Variants in RUBCN observed in about 807,000 individuals in gnomAD.
The protein encoded by RUBCN is run domain Beclin-1-interacting and cysteine-rich domain-containing protein.
A neutral mutation model predicts 113.2 loss-of-function variants in RUBCN; 74 were observed. The observed-to-expected ratio is 0.65, with a 90% CI of 0.54 to 0.79. The LOEUF is 0.79. Ranked by LOEUF, RUBCN falls within the 30% of genes least tolerant of loss-of-function variation. The pLI, the probability that RUBCN is intolerant of heterozygous loss-of-function variation, is 0.00. For synonymous variants in RUBCN, 480 were observed against 490.0 expected (o/e 0.98, Z 0.27); for missense variants, 1,109 against 1,251.7 (o/e 0.89, Z 1.72).
chr3:197,744,385 A>G lies in RUBCN; in HGVS notation c.-116+4884T>C, dbSNP rs139405114. 1.5e-3 allele frequency among the ~76,000 whole-genome samples: 228 copies of G among 152,352 alleles called. 1 individual carries two copies. The highest frequency in any genetic ancestry group is 0.014 in the South Asian group (67 of 4,832). The stretch of plus-strand genomic sequence containing the variant: ...AATTTGATAGCCAATGTAATTCGCC[A>G]TATTAATACATTTTGCAAGAAAAAC... On this transcript the variant is annotated intron_variant, in intron 1 of 20. Transcript: ENST00000273582.
Position 197,696,986 on chromosome 3 carries a change from A to C in RUBCN, c.1325T>G (p.Val442Gly), listed in dbSNP as rs200532942. The part of the protein sequence containing the change: ...PLPYSGQSSE[V>G]STPSSLYMEY... ...CATGTACAGAGAGCTGGGTGTGCTG[A>C]CTTCACTGCTTTGACCAGAGTAGGG... The change falls in exon 8 of 20, where the codon GTC (valine) becomes GGC (glycine). Residue 442 changes from valine to glycine, a missense_variant. Around this residue, in one of 3 missense-constraint regions of RUBCN, gnomAD observed 736 missense variants for 779.6 expected, o/e 0.94. Transcript: ENST00000296343. The C allele has an allele frequency of 3.7e-4, 602 of 1,609,016 alleles. 1 individual carries two copies. Among genetic ancestry groups the C allele is most frequent in the Non-Finnish European group, 4.9e-4 (581 of 1,175,474 alleles).
chr3:197,713,157 C>T (rs1016061920), intron 2 of RUBCN, among the ~76,000 whole-genome samples: 10 of 152,168 alleles, frequency 6.6e-5, no homozygotes, highest in Non-Finnish European at 1.0e-4. Flanking sequence ...CTGTGCCTAG[C>T]CAGATATTAT....
intron 16 of RUBCN, among the ~76,000 whole-genome samples, chr3:197,680,299 C>G (rs933654408): frequency 7.6e-6 from 1 of 132,126 alleles, no homozygotes; most frequent in African/African-American, 2.9e-5. Context: ...TACGCTCTGA[C>G]AACTGGCTCC....
At position 197,736,712 on chromosome 3, in the gene RUBCN, G is replaced by A; in HGVS notation, c.8C>T (p.Pro3Leu). Residue 3 changes from proline (P) to leucine (L), a missense_variant, in exon 1 of 20, where the codon CCG (proline) becomes CTG (leucine). Coordinates refer to ENST00000296343, the MANE Select transcript of RUBCN (RefSeq NM_014687.4). The part of the protein sequence containing the change: MR[P>L]EGAGMELGGG... Reference sequence around the variant, plus strand: ...TCCGAGCTCCATTCCCGCGCCCTCCGGCCGCATCCGGGGCGGTGAGGCCGC... The same window carrying A: ...TCCGAGCTCCATTCCCGCGCCCTCCAGCCGCATCCGGGGCGGTGAGGCCGC... 2 of 1,528,858 alleles carry A rather than the reference G, an allele frequency of 1.3e-6. No homozygotes were observed. The highest frequency in any genetic ancestry group is 1.7e-6 in the Non-Finnish European group (2 of 1,144,844). The allele number at this position is 1,528,858 out of a possible 1,614,324, so 94.7% of individuals were successfully genotyped here.
intron 7 of RUBCN, among the ~76,000 whole-genome samples, chr3:197,697,945 T>A (rs1453415201): frequency 1.3e-5 from 2 of 152,194 alleles, no homozygotes; most frequent in Admixed American, 1.3e-4. Context: ...CTCAAAGACT[T>A]CTGGTAGCCC....
intron 16 of RUBCN, among the ~76,000 whole-genome samples, chr3:197,678,264 A>G (rs1012571121): frequency 8.6e-5 from 13 of 150,666 alleles, no homozygotes; most frequent in Non-Finnish European, 1.9e-4. Context: ...ACTCTGACTG[A>G]CAACTGGCTC....
At position 197,675,571 on chromosome 3, in the gene RUBCN, CGGGAGGG is replaced by C. The variant is rs1720289607; in HGVS notation, c.2647-63_2647-57del. On this transcript the variant is annotated intron_variant, in intron 18 of 19. Coordinates refer to ENST00000296343, the MANE Select transcript of RUBCN (RefSeq NM_014687.4). The surrounding 1 kb of genome is among the most constrained non-coding windows in gnomAD (Gnocchi z 4.4). ...AGGAGCGGCACATCAGGAACTGGCACGGGAGGGTGAACACCGAGGAGGGGAGTGGTCT... is the reference window on the plus strand; with the variant it reads ...AGGAGCGGCACATCAGGAACTGGCACTGAACACCGAGGAGGGGAGTGGTCT... The C allele has an allele frequency of 2.2e-6, 3 of 1,341,106 alleles. No individual in the cohort carries two copies. Among genetic ancestry groups the C allele is most frequent in the Admixed American group, 3.4e-5 (2 of 59,614 alleles). 83.1% of individuals were successfully genotyped at this position (1,341,106 alleles called of 1,614,324 possible).
At position 197,681,429 on chromosome 3, in the gene RUBCN, A is replaced by C; in HGVS notation, c.2192-62T>G. ...TTTCCCATCTACAAGCTGGGAAGGCAGCTCTGCTTTTCCCTTGAAAGGGCA... is the reference window on the plus strand; with the variant it reads ...TTTCCCATCTACAAGCTGGGAAGGCCGCTCTGCTTTTCCCTTGAAAGGGCA... On this transcript the variant is annotated intron_variant, in intron 15 of 19. Coordinates refer to ENST00000296343, the MANE Select transcript of RUBCN (RefSeq NM_014687.4). The surrounding 1 kb of genome is among the most constrained non-coding windows in gnomAD (Gnocchi z 5.5). 1 of 1,303,926 alleles carries C rather than the reference A, an allele frequency of 7.7e-7. No individual in the cohort carries two copies. Among genetic ancestry groups the C allele is most frequent in the Non-Finnish European group, 1.1e-6 (1 of 901,558 alleles). The allele number at this position is 1,303,926 out of a possible 1,614,324, so 80.8% of individuals were successfully genotyped here.
upstream of RUBCN, among the ~76,000 whole-genome samples, chr3:197,737,735 CAGG>C (rs1479869856): frequency 6.6e-6 from 1 of 152,026 alleles, no homozygotes; most frequent in Non-Finnish European, 1.5e-5. Flanking sequence ...ACAATGTGGA[CAGG>C]AGATGGGGCA....
rs191470662 is a variant in RUBCN at position 197,676,826 on chromosome 3, C to G, written c.2646+59G>C. On this transcript the variant is annotated intron_variant, in intron 18 of 19. Coordinates refer to ENST00000296343, the MANE Select transcript of RUBCN (RefSeq NM_014687.4). ...AGTGGCAAGAACCCCAGGTCCACCC[C>G]CCTCCCTGTATCCCTAAAAGCAAGG... 2,820 of 1,612,740 alleles carry G rather than the reference C, an allele frequency of 1.7e-3. 2 individuals carry two copies. The highest frequency in any genetic ancestry group is 3.2e-3 in the Admixed American group (193 of 60,006).
At chr3:197,691,581 C>G (rs913222412) in intron 11 of RUBCN, among the ~76,000 whole-genome samples, 1 of 152,148 alleles carries the variant, frequency 6.6e-6, no homozygotes, top group Non-Finnish European at 1.5e-5. Context: ...GATTTCTGTT[C>G]TGAAACGACT....
chr3:197,681,069 G>C lies in RUBCN; in HGVS notation c.2430+60C>G. ...GGGGAGGGGACGGGGGAGGGACGAGGGGAGGGGATGAGGGGAGGAGAAGGG... is the reference window on the plus strand; with the variant it reads ...GGGGAGGGGACGGGGGAGGGACGAGCGGAGGGGATGAGGGGAGGAGAAGGG... On this transcript the variant is annotated intron_variant, in intron 16 of 19. Transcript: ENST00000296343. The surrounding 1 kb of genome is among the most constrained non-coding windows in gnomAD (Gnocchi z 5.5). The C allele has an allele frequency of 9.9e-7, 1 of 1,013,470 alleles. No homozygotes were observed. The highest frequency in any genetic ancestry group is 1.8e-5 in the Admixed American group (1 of 57,090). 62.8% of individuals were successfully genotyped at this position (1,013,470 alleles called of 1,614,324 possible). A position where few individuals can be genotyped will look rare whatever the true frequency, so the allele number is the denominator to read the frequency against.
chr3:197,676,610 G>A (rs1720460568), intron 18 of RUBCN: 2 of 1,323,362 alleles, frequency 1.5e-6, no homozygotes, highest in Non-Finnish European at 9.7e-7. Context: ...ACCGTGCCTG[G>A]CCAACACTTC....
chr3:197,729,410 G>A (rs1262979288), intron 1 of RUBCN, among the ~76,000 whole-genome samples: 3 of 151,564 alleles, frequency 2.0e-5, no homozygotes, highest in Non-Finnish European at 4.4e-5. Context: ...CCGCCACCAC[G>A]CCCGGCTAAT....
rs536751502 is a variant in RUBCN at position 197,673,153 on chromosome 3, T to G, written c.*1865A>C. Reference sequence around the variant, plus strand: ...TCTAGTCACAGCCCTTCAGAACTTCTGGGACTTGGCTTTTTGAGTCTCACT... The same window carrying G: ...TCTAGTCACAGCCCTTCAGAACTTCGGGGACTTGGCTTTTTGAGTCTCACT... On this transcript the variant is annotated 3_prime_UTR_variant, in exon 20 of 20. Transcript: ENST00000296343. 1 of 152,230 alleles carries G rather than the reference T, an allele frequency of 6.6e-6. No individual in the cohort carries two copies. Among genetic ancestry groups the G allele is most frequent in the Non-Finnish European group, 1.5e-5 (1 of 68,050 alleles). 9.4% of individuals were successfully genotyped at this position (152,230 alleles called of 1,614,324 possible).
At position 197,693,721 on chromosome 3, in the gene RUBCN, T is replaced by C. The variant is rs1722687691; in HGVS notation, c.1780A>G (p.Ile594Val). ...ACAAAGTGTCACTTCTTACCTTGGA[T>C]TTCAAATTCATCAACCTCATCAGCA... ...GSADEVDEFE[I>V]QDADIRRNTA... is the part of the protein sequence containing the mutation. The change falls in exon 11 of 20, where the codon ATC becomes GTC. Residue 594 changes from isoleucine to valine, a missense_variant. By Grantham distance (29) the Ile-to-Val change is conservative (BLOSUM62 3). This residue lies in a region of RUBCN where 736 missense variants were observed against 779.6 expected (regional missense o/e 0.94). Transcript: ENST00000296343. 6.2e-7 allele frequency: 1 copy of C among 1,609,424 alleles called. No homozygotes were observed. The highest frequency in any genetic ancestry group is 8.5e-7 in the Non-Finnish European group (1 of 1,175,704).
At chr3:197,692,045 T>C (rs920081682) in intron 11 of RUBCN, among the ~76,000 whole-genome samples, 15 of 152,088 alleles carry the variant, frequency 9.9e-5, no homozygotes, top group South Asian at 2.1e-4. Flanking sequence ...AGCTTCACAA[T>C]TGGGGCAATT....
intron 9 of RUBCN, among the ~76,000 whole-genome samples, 174 bp downstream of exon 9, chr3:197,695,692 G>T (rs943283571): frequency 6.6e-6 from 1 of 152,164 alleles, no homozygotes; most frequent in East Asian, 1.9e-4. Flanking sequence ...CTCAGTGAGG[G>T]GCACATGCTC....
At chr3:197,693,871 C>A (rs2108883103) in intron 10 of RUBCN, 55 bp from the exon 11 acceptor site, 1 of 1,162,416 alleles carries the variant, frequency 8.6e-7, no homozygotes, top group Middle Eastern at 1.9e-4. Flanking sequence ...GTCTTCTTGT[C>A]CTTCCAGTGT....
Sources: allele counts gnomAD v4.1 joint callset (sites outside exome capture counted in the v4.1 genomes callset), GRCh38; gene constraint gnomAD v4.1.1; regional missense constraint gnomAD v4.1.1; non-coding constraint Gnocchi (gnomAD v3.1); transcripts MANE v1.5; gene names NCBI Gene and HGNC (gene_info 2026-07-23, HGNC 2026-07-21).